The following ITPRID1 variants were observed in gnomAD, a reference collection of about 807,000 sequenced individuals.
ITPRID1 encodes the protein protein ITPRID1.
A neutral mutation model predicts 95.4 loss-of-function variants in ITPRID1; 96 were observed. That is an observed-to-expected ratio of 1.01 (90% CI 0.85 to 1.19). The LOEUF (loss-of-function observed/expected upper bound fraction) is 1.19, where lower values mean the gene tolerates loss of function less well. Ranked by LOEUF, ITPRID1 falls within the 50% of genes most tolerant of loss-of-function variation. ITPRID1 has a pLI of 0.00. For synonymous variants in ITPRID1, 510 were observed against 453.6 expected (o/e 1.12, Z -1.58); for missense variants, 1,339 against 1,252.9 (o/e 1.07, Z -1.04).
At chr7:31,580,072 C>T (rs933143082) in intron 9 of ITPRID1, among the ~76,000 whole-genome samples, 13 of 151,884 alleles carry the variant, frequency 8.6e-5, no homozygotes, top group African/African-American at 2.9e-4. Flanking sequence ...GCTGAGGCAG[C>T]GGATCACCTG....
chr7:31,651,081 G>A (rs1790900925), intron 12 of ITPRID1, 61 bp from the exon 13 acceptor site: 7 of 1,565,786 alleles, frequency 4.5e-6, no homozygotes, highest in Non-Finnish European at 5.2e-6. Flanking sequence ...GCTCCACCAT[G>A]GTGAGCTCTT....
chr7:31,602,910 CATAGATTCGTTA>C (rs1786458594), intron 10 of ITPRID1, among the ~76,000 whole-genome samples: 1 of 128,390 alleles, frequency 7.8e-6, no homozygotes, highest in Admixed American at 9.4e-5. Flanking sequence ...CCAGTACATT[CATAGATTCGTTA>C]ATAGTCATGC....
chr7:31,578,371 T>A lies in ITPRID1; in HGVS notation c.1107T>A (p.Thr369=), dbSNP rs890044847. ...CTCAGAAGGAGAACTTATTTCAGAC[T>A]AACAAGCTCAAGAGCTTGTCTCATC... ...GRTQKENLFQ[T]NKLKSLSHLA... The change falls in exon 9 of 15, where the codon ACT becomes ACA. Residue 369 remains threonine (T), a synonymous_variant. Coordinates refer to ENST00000615280, the MANE Select transcript of ITPRID1 (RefSeq NM_001257967.3). 3 of 1,613,540 alleles carry A rather than the reference T, an allele frequency of 1.9e-6. No homozygotes were observed. Among genetic ancestry groups the A allele is most frequent in the Non-Finnish European group, 2.5e-6 (3 of 1,179,760 alleles).
chr7:31,556,047 G>A (rs913285576), intron 5 of ITPRID1, among the ~76,000 whole-genome samples: 7 of 152,086 alleles, frequency 4.6e-5, no homozygotes, highest in Admixed American at 2.0e-4. Flanking sequence ...TCCCCCTAAT[G>A]TTTTCTCTTG....
chr7:31,637,244 G>A (rs376922421), intron 10 of ITPRID1, among the ~76,000 whole-genome samples: 17 of 152,074 alleles, frequency 1.1e-4, no homozygotes, highest in East Asian at 3.9e-4. Flanking sequence ...TCCTTTGGGT[G>A]TATACCCAGT....
At chr7:31,527,633 A>C (rs760707518) in intron 1 of ITPRID1, among the ~76,000 whole-genome samples, 6 of 152,120 alleles carry the variant, frequency 3.9e-5, no homozygotes, top group Non-Finnish European at 8.8e-5. Flanking sequence ...TTAGAATCGC[A>C]CATAGACTCT....
At chr7:31,567,852 G>C (rs565502308) in intron 5 of ITPRID1, among the ~76,000 whole-genome samples, 1 of 152,182 alleles carries the variant, frequency 6.6e-6, no homozygotes, top group Non-Finnish European at 1.5e-5. Flanking sequence ...ATTGCCAGGC[G>C]TGGTGGCTCA....
intron 1 of ITPRID1, among the ~76,000 whole-genome samples, chr7:31,527,663 T>A (rs1294762251): frequency 6.6e-6 from 1 of 152,190 alleles, no homozygotes; most frequent in Non-Finnish European, 1.5e-5. Context: ...AGGATGTTTT[T>A]TCCAAACCCT....
intron 10 of ITPRID1, among the ~76,000 whole-genome samples, chr7:31,625,756 A>C (rs1486055698): frequency 1.2e-4 from 18 of 152,140 alleles, no homozygotes; most frequent in Admixed American, 1.1e-3. Flanking sequence ...CATGTACCCT[A>C]AACTTAAAGT....
chr7:31,630,289 ACTACCAAATATTGAGTG>A (rs1788880519), intron 10 of ITPRID1, among the ~76,000 whole-genome samples: 1 of 151,656 alleles, frequency 6.6e-6, no homozygotes, highest in Admixed American at 6.6e-5. Context: ...TATTAGTAAT[ACTACCAAATATTGAGTG>A]CCAGGAACTA....
intron 1 of ITPRID1, among the ~76,000 whole-genome samples, chr7:31,530,203 A>G (rs1248221612): frequency 6.6e-6 from 1 of 152,322 alleles, no homozygotes; most frequent in East Asian, 1.9e-4. Flanking sequence ...TGATGCAGAA[A>G]TTATATTTTC....
chr7:31,520,566 A>T (rs6963711), intron 1 of ITPRID1, among the ~76,000 whole-genome samples: 126 of 50,088 alleles, frequency 2.5e-3, no homozygotes, highest in East Asian at 3.7e-3. Flanking sequence ...TGTGTGTGTG[A>T]GAGAGAGAGA....
intron 10 of ITPRID1, among the ~76,000 whole-genome samples, chr7:31,598,560 C>T (rs1003533099): frequency 3.3e-5 from 5 of 151,740 alleles, no homozygotes; most frequent in Non-Finnish European, 7.4e-5. Flanking sequence ...CCCGCTACCA[C>T]GCCCGGCTAC....
At chr7:31,609,081 C>G (rs1316620906) in intron 10 of ITPRID1, among the ~76,000 whole-genome samples, 2 of 151,476 alleles carry the variant, frequency 1.3e-5, no homozygotes, top group Non-Finnish European at 3.0e-5. Context: ...TTGAGGCGGC[C>G]ATGTGGTTTT....
At chr7:31,520,515 T>TTG (rs57709822) in intron 1 of ITPRID1, among the ~76,000 whole-genome samples, 1,603 of 135,596 alleles carry the variant, frequency 0.012, 15 homozygotes, top group East Asian at 0.016. Flanking sequence ...TACCACATCA[T>TTG]TGTGTGTGTG....
chr7:31,518,618 G>A (rs527766720), intron 1 of ITPRID1, among the ~76,000 whole-genome samples: 3 of 152,166 alleles, frequency 2.0e-5, no homozygotes, highest in African/African-American at 4.8e-5. Context: ...AGGAAAAAGC[G>A]GTATAATTAG....
chr7:31,631,289 C>CAT, intron 10 of ITPRID1, among the ~76,000 whole-genome samples: 1 of 152,044 alleles, frequency 6.6e-6, no homozygotes, highest in Non-Finnish European at 1.5e-5. Flanking sequence ...CATATGCGTG[C>CAT]GTGCACACAC....
chr7:31,578,662 G>A (rs747812350), intron 9 of ITPRID1, among the ~76,000 whole-genome samples: 9 of 152,120 alleles, frequency 5.9e-5, no homozygotes, highest in African/African-American at 9.7e-5. Flanking sequence ...CTTCTTGCTC[G>A]CAGTTGAATC....
chr7:31,577,555 C>T (rs373491016), intron 8 of ITPRID1, among the ~76,000 whole-genome samples: 5 of 152,282 alleles, frequency 3.3e-5, no homozygotes, highest in African/African-American at 7.2e-5. Flanking sequence ...ACAGATTCAC[C>T]GATGCCTACC....
Sources: allele counts gnomAD v4.1 joint callset (sites outside exome capture counted in the v4.1 genomes callset), GRCh38; gene constraint gnomAD v4.1.1; transcripts MANE v1.5; gene names NCBI Gene and HGNC (gene_info 2026-07-23, HGNC 2026-07-21).